The following MSL1 variants were observed in gnomAD, a reference collection of about 807,000 sequenced individuals.
MSL1 encodes male-specific lethal 1 homolog.
A neutral mutation model predicts 64.6 loss-of-function variants in MSL1; 21 were observed. The ratio of observed to expected loss-of-function variants is 0.33; its 90% confidence interval spans 0.23 to 0.47. The LOEUF (loss-of-function observed/expected upper bound fraction) is 0.47. Among genes scored for constraint, MSL1 ranks in the 20% least tolerant of loss-of-function variants. The probability of loss-of-function intolerance (pLI) is 1.00; values close to 1 mark genes in which losing one functional copy is unlikely to be tolerated. For missense variants in MSL1, 664 were observed against 793.2 expected (o/e 0.84, Z 1.96); for synonymous variants, 339 against 329.6 (o/e 1.03, Z -0.31).
intron 3 of MSL1, 93 bp downstream of exon 3, chr17:40,129,720 A>G (rs1224319688): frequency 3.7e-6 from 5 of 1,333,468 alleles, no homozygotes; most frequent in African/African-American, 3.0e-5. Context: ...AAAAAGTGCA[A>G]TCAATAAAGC....
intron 1 of MSL1, among the ~76,000 whole-genome samples, chr17:40,123,707 G>A (rs1463536984): frequency 1.3e-5 from 2 of 152,256 alleles, no homozygotes; most frequent in East Asian, 3.9e-4. Flanking sequence ...TGAAAGGGTG[G>A]GGTGTAGGTG....
At chr17:40,123,476 G>C (rs938496889) in intron 1 of MSL1, 96 bp downstream of exon 1, 8 of 1,268,008 alleles carry the variant, frequency 6.3e-6, no homozygotes, top group African/African-American at 3.0e-5. Context: ...CCCCGGGTTA[G>C]GGGTAAAGGA....
At chr17:40,132,158 T>G in intron 5 of MSL1, 60 bp downstream of exon 5, 1 of 1,238,150 alleles carries the variant, frequency 8.1e-7, no homozygotes, top group Non-Finnish European at 1.2e-6. Flanking sequence ...TGTGAGGGTA[T>G]AACTGGAAAA....
At chr17:40,126,494 T>A in intron 2 of MSL1, 88 bp downstream of exon 2, 1 of 1,247,300 alleles carries the variant, frequency 8.0e-7, no homozygotes, top group Non-Finnish European at 1.1e-6. Context: ...TTTATAGCAA[T>A]CATAACTTGC....
At chr17:40,125,413 G>A (rs1988291129) in intron 1 of MSL1, among the ~76,000 whole-genome samples, 1 of 152,190 alleles carries the variant, frequency 6.6e-6, no homozygotes, top group South Asian at 2.1e-4. Context: ...GGCACTGTAT[G>A]AGCTCTTAAT....
chr17:40,128,012 C>T (rs1988359485), intron 2 of MSL1, among the ~76,000 whole-genome samples: 1 of 152,090 alleles, frequency 6.6e-6, no homozygotes, highest in Non-Finnish European at 1.5e-5. Context: ...GTCCCAGCTA[C>T]TTGGGAGGCT....
rs1440448924 is a variant in MSL1 at position 40,121,971 on chromosome 17, A to C, written c.-642A>C. 1.3e-5 allele frequency among the ~76,000 whole-genome samples: 2 copies of C among 151,412 alleles called. No individual in the cohort carries two copies. The highest frequency in any genetic ancestry group is 2.9e-5 in the Non-Finnish European group (2 of 67,816). On this transcript the variant is annotated 5_prime_UTR_variant, in exon 1 of 9. An upstream start codon of the reference 5' UTR is lost. Transcript: ENST00000398532. ...CTCCCGCCCGCTCCCCTCCCCGCGC[A>C]TGCGTCCTCCGGTTGGCGGCGGCTG...
rs190824221 is a variant in MSL1 at position 40,126,546 on chromosome 17, C to T, written c.992+140C>T. ...GCGGAGGGCCGGGTGTGGTGGCTCACACCTGTAATCCCAGCACTTTGGGAG... is the reference window on the plus strand; with the variant it reads ...GCGGAGGGCCGGGTGTGGTGGCTCATACCTGTAATCCCAGCACTTTGGGAG... On this transcript the variant is annotated intron_variant, in intron 2 of 8. Transcript: ENST00000398532. The T allele has an allele frequency of 3.0e-3, 2,230 of 753,266 alleles. 2 individuals are homozygous for T. The highest frequency in any genetic ancestry group is 4.2e-3 in the Non-Finnish European group (1,922 of 460,912). 46.7% of individuals were successfully genotyped at this position (753,266 alleles called of 1,614,324 possible). A position where few individuals can be genotyped will look rare whatever the true frequency, so the allele number is the denominator to read the frequency against.
intron 6 of MSL1, 141 bp from the exon 7 acceptor site, chr17:40,133,393 C>T (rs1475259378): frequency 3.8e-6 from 4 of 1,057,044 alleles, no homozygotes; most frequent in East Asian, 5.2e-5. Context: ...CTTAACAAGG[C>T]AGTCATTTCT....
At chr17:40,132,373 T>TA (rs1398503857) in intron 5 of MSL1, among the ~76,000 whole-genome samples, 1 of 152,166 alleles carries the variant, frequency 6.6e-6, no homozygotes, top group East Asian at 1.9e-4. Flanking sequence ...TGTGGTGGCT[T>TA]ACGCCTATAA....
At position 40,129,474 on chromosome 17, in the gene MSL1, A is replaced by G. The variant is rs1334225893; in HGVS notation, c.1222A>G (p.Ser408Gly). ...ACTCTCCACTCCCCAAAAGGGACCC[A>G]GCACCCATCCCAAGGAGAAAGCCTT... ...PRLSTPQKGP[S>G]THPKEKAFSS... Residue 408 changes from serine to glycine, a missense_variant, in exon 3 of 9, where the codon AGC becomes GGC. This residue lies in a region of MSL1 where 119 missense variants were observed against 164.3 expected (regional missense o/e 0.72). Transcript: ENST00000398532. 1 of 1,613,902 alleles carries G rather than the reference A, an allele frequency of 6.2e-7. No individual in the cohort carries two copies.
At position 40,121,977 on chromosome 17, in the gene MSL1, C is replaced by T. The variant is rs1369490507; in HGVS notation, c.-636C>T. Reference sequence around the variant, plus strand: ...CCCGCTCCCCTCCCCGCGCATGCGTCCTCCGGTTGGCGGCGGCTGCGGCGG... The same window carrying T: ...CCCGCTCCCCTCCCCGCGCATGCGTTCTCCGGTTGGCGGCGGCTGCGGCGG... On this transcript the variant is annotated 5_prime_UTR_variant, in exon 1 of 9. Transcript: ENST00000398532. Among the ~76,000 whole-genome samples the T allele has an allele frequency of 6.6e-6, 1 of 152,134 alleles. No homozygotes were observed. Among genetic ancestry groups the T allele is most frequent in the African/African-American group, 2.4e-5 (1 of 41,432 alleles).
Position 40,135,047 on chromosome 17 carries a change from A to T in MSL1, c.*678A>T, listed in dbSNP as rs1359209606. ...AATTTCTTTACTGCTCAAAAACCAA[A>T]ATCTTTGGAAAAGAAAGTGGGGATG... On this transcript the variant is annotated 3_prime_UTR_variant, in exon 9 of 9. Coordinates refer to ENST00000398532, the MANE Select transcript of MSL1 (RefSeq NM_001365919.1). 2.0e-5 allele frequency: 3 copies of T among 152,370 alleles called. No homozygotes were observed. Among genetic ancestry groups the T allele is most frequent in the Non-Finnish European group, 4.4e-5 (3 of 68,044 alleles). 9.4% of individuals were successfully genotyped at this position (152,370 alleles called of 1,614,324 possible). A position where few individuals can be genotyped will look rare whatever the true frequency, so the allele number is the denominator to read the frequency against.
At chr17:40,125,597 G>A (rs1988295561) in intron 1 of MSL1, among the ~76,000 whole-genome samples, 1 of 152,156 alleles carries the variant, frequency 6.6e-6, no homozygotes, top group South Asian at 2.1e-4. Context: ...TGGACCACGA[G>A]GTCAAGAGAT....
rs572771915 is a variant in MSL1, at chr17:40,129,837, A to C, written c.1375+210A>C. On this transcript the variant is annotated intron_variant, in intron 3 of 8. Coordinates refer to ENST00000398532, the MANE Select transcript of MSL1 (RefSeq NM_001365919.1). ...ATGTGCTCAATGTATTTGCCTGCTT[A>C]CAACACTGGGAGATGTGTTTGCCAG... 6 of 551,890 alleles carry C rather than the reference A, an allele frequency of 1.1e-5. No individual in the cohort carries two copies. In the South Asian group the frequency reaches 1.3e-4, roughly 12 times the overall value. The allele number at this position is 551,890 out of a possible 1,614,324, so 34.2% of individuals were successfully genotyped here. A position where few individuals can be genotyped will look rare whatever the true frequency, so the allele number is the denominator to read the frequency against.
In MSL1 at chr17:40,125,831, G is replaced by C. The variant is rs186399158; in HGVS notation, c.769-352G>C. On this transcript the variant is annotated intron_variant, in intron 1 of 8. Transcript: ENST00000398532. ...CAAAACATGTATACAATTAATTCTG[G>C]AAACTCCCGAACCAACTTGGAGCCA... is the stretch of plus-strand genomic sequence containing the variant. Among the ~76,000 whole-genome samples, 199 of 152,174 alleles carry C rather than the reference G, an allele frequency of 1.3e-3. 2 individuals carry two copies. The highest frequency in any genetic ancestry group is 2.0e-3 in the Non-Finnish European group (134 of 68,012).
chr17:40,124,820 G>C (rs1988277738), intron 1 of MSL1: 1 of 152,138 alleles, frequency 6.6e-6, no homozygotes, highest in Admixed American at 6.5e-5. Context: ...GCTGATAGGG[G>C]GGTTCTCTGC....
chr17:40,135,201 T>C lies in MSL1; in HGVS notation c.*832T>C, dbSNP rs1366749934. 1 of 152,316 alleles carries C rather than the reference T, an allele frequency of 6.6e-6. No individual in the cohort carries two copies. The highest frequency in any genetic ancestry group is 1.5e-5 in the Non-Finnish European group (1 of 68,028). The allele number at this position is 152,316 out of a possible 1,614,324, so 9.4% of individuals were successfully genotyped here. Reference sequence around the variant, plus strand: ...ATTCCTTCATTGGGCTTCATCCTTTTAGCAGAACTCTTGGTGGTGGGATAG... The same window carrying C: ...ATTCCTTCATTGGGCTTCATCCTTTCAGCAGAACTCTTGGTGGTGGGATAG... On this transcript the variant is annotated 3_prime_UTR_variant, in exon 9 of 9. Transcript: ENST00000398532.
At position 40,122,040 on chromosome 17, in the gene MSL1, C is replaced by T. The variant is rs946958379; in HGVS notation, c.-573C>T. On this transcript the variant is annotated 5_prime_UTR_variant, in exon 1 of 9. In the 5' UTR this introduces an upstream ATG that the reference lacks. Transcript: ENST00000398532. This position sits in a 1 kb window ranked among gnomAD's most constrained non-coding sequence, Gnocchi z 4.2. ...GCGGCTCCGTTTTTTTAAAGGGAAA[C>T]GCTGAGGCGCCGGGGGTGACTGTGG... is the stretch of plus-strand genomic sequence containing the variant. 5.3e-5 allele frequency among the ~76,000 whole-genome samples: 8 copies of T among 151,408 alleles called. No individual in the cohort carries two copies. Among genetic ancestry groups the T allele is most frequent in the Non-Finnish European group, 1.0e-4 (7 of 67,732 alleles).
Sources: gnomAD v4.1 joint callset for allele counts (sites outside exome capture counted in the v4.1 genomes callset) on GRCh38, gnomAD v4.1.1 for gene constraint, gnomAD v4.1.1 regional missense constraint, Gnocchi (gnomAD v3.1) non-coding constraint, MANE v1.5 for transcripts, NCBI Gene and HGNC (gene_info 2026-07-23, HGNC 2026-07-21) for gene names.